TYW5: variants seen among roughly 807,000 people sequenced by gnomAD.
The protein encoded by TYW5 is tRNA wybutosine-synthesizing protein 5.
Under a neutral mutation model 44.4 loss-of-function variants are expected in TYW5, and 36 were observed. That is an observed-to-expected ratio of 0.81 (90% CI 0.62 to 1.07). The LOEUF is 1.07. TYW5 is among the 50% of genes least tolerant of loss of function. TYW5 has a pLI of 0.00. For synonymous variants in TYW5, 121 were observed against 128.1 expected (o/e 0.94, Z 0.37); for missense variants, 354 against 365.7 (o/e 0.97, Z 0.26).
chr2:199,937,001 C>CT (rs201605721), intron 5 of TYW5, among the ~76,000 whole-genome samples: 45 of 150,960 alleles, frequency 3.0e-4, no homozygotes, highest in South Asian at 1.3e-3. Flanking sequence ...CACAGATTTT[C>CT]TTTTTTTTTC....
Position 199,948,458 on chromosome 2 carries a change from C to T in TYW5, c.93G>A (p.Val31=). 1 of 1,614,024 alleles carries T rather than the reference C, an allele frequency of 6.2e-7. No individual in the cohort carries two copies. Among genetic ancestry groups the T allele is most frequent in the South Asian group, 1.1e-5 (1 of 91,062 alleles). Residue 31 remains valine (V), a synonymous_variant, in exon 2 of 8, where the codon GTG becomes GTA. Transcript: ENST00000354611. ...QHLYPQRKPL[V]LEGIDLGPCT... ...ATGGCCCCAAATCAATCCCTTCCAA[C>T]ACAAGAGGTTTTCTCTGTAAGTGGG...
In TYW5 at chr2:199,931,589, T is replaced by G. The variant is rs2077378269; in HGVS notation, c.*1478A>C. 6.6e-6 allele frequency: 1 copy of G among 152,204 alleles called. No homozygotes were observed. Among genetic ancestry groups the G allele is most frequent in the South Asian group, 2.1e-4 (1 of 4,832 alleles). The allele number at this position is 152,204 out of a possible 1,614,324, so 9.4% of individuals were successfully genotyped here. ...TAAATTTGGCTAATATAATCATTCC[T>G]TTTCTGACAAGACTTTTTTCACCTT... On this transcript the variant is annotated 3_prime_UTR_variant, in exon 8 of 8. Transcript: ENST00000354611.
rs369888786 is a variant in TYW5, at chr2:199,955,378, G to A, written c.78+15C>T. On this transcript the variant is annotated intron_variant, in intron 1 of 7. Transcript: ENST00000354611. ...CGCTGGTTTCTCGAGGTTCTGCCCC[G>A]CGCGAGGGCCTCACCTGTGGGTAGA... 1 of 1,612,264 alleles carries A rather than the reference G, an allele frequency of 6.2e-7. No homozygotes were observed. The highest frequency in any genetic ancestry group is 8.5e-7 in the Non-Finnish European group (1 of 1,179,384).
At chr2:199,938,606 C>G (rs1444727659) in intron 5 of TYW5, among the ~76,000 whole-genome samples, 1 of 152,084 alleles carries the variant, frequency 6.6e-6, no homozygotes, top group Non-Finnish European at 1.5e-5. Context: ...AGGCTTATCA[C>G]TTTTTCCAAT....
intron 2 of TYW5, chr2:199,945,718 G>A (rs2077499033): frequency 6.6e-6 from 1 of 152,168 alleles, no homozygotes; most frequent in South Asian, 2.1e-4. Flanking sequence ...ACACAAAAGT[G>A]TTTCAAGACC....
rs1325945493 is a variant in TYW5 at position 199,930,735 on chromosome 2, A to G, written c.*2332T>C. On this transcript the variant is annotated 3_prime_UTR_variant, in exon 8 of 8. Coordinates refer to ENST00000354611, the MANE Select transcript of TYW5 (RefSeq NM_001039693.3). ...TAGCCAAAGAAAAGCTGTGTAATCT[A>G]TTCAGAAGTACTGGAGATGTGCTGC... is the stretch of plus-strand genomic sequence containing the variant. The G allele has an allele frequency of 6.6e-6, 1 of 150,640 alleles. No individual in the cohort carries two copies. Among genetic ancestry groups the G allele is most frequent in the African/African-American group, 2.5e-5 (1 of 40,778 alleles). 9.3% of individuals were successfully genotyped at this position (150,640 alleles called of 1,614,324 possible). A position where few individuals can be genotyped will look rare whatever the true frequency, so the allele number is the denominator to read the frequency against.
At chr2:199,945,072 G>C (rs991469856) in intron 2 of TYW5, 1 of 152,212 alleles carries the variant, frequency 6.6e-6, no homozygotes, top group Non-Finnish European at 1.5e-5. Context: ...TTTCCTGTGT[G>C]TAGTGCAACT....
chr2:199,933,429 A>G, intron 7 of TYW5, 106 bp from the exon 8 acceptor site: 2 of 980,036 alleles, frequency 2.0e-6, no homozygotes, highest in Non-Finnish European at 1.5e-6. Flanking sequence ...GTAAGAAATA[A>G]TTCTTGTAAC....
intron 1 of TYW5, among the ~76,000 whole-genome samples, chr2:199,954,537 T>G (rs1255594643): frequency 6.6e-6 from 1 of 152,148 alleles, no homozygotes; most frequent in Non-Finnish European, 1.5e-5. Context: ...GTTCAAGCGA[T>G]TCTCCTGCCT....
At chr2:199,954,618 G>A (rs1057322200) in intron 1 of TYW5, among the ~76,000 whole-genome samples, 1 of 151,916 alleles carries the variant, frequency 6.6e-6, no homozygotes, top group African/African-American at 2.4e-5. Flanking sequence ...ATTTTTAGTA[G>A]AGATGGGATT....
intron 7 of TYW5, among the ~76,000 whole-genome samples, 164 bp downstream of exon 7, chr2:199,935,763 CACAT>C (rs1425154954): frequency 1.8e-3 from 235 of 128,056 alleles, no homozygotes; most frequent in East Asian, 5.6e-3. Context: ...CACACACACA[CACAT>C]ACACACACAC....
chr2:199,953,301 C>T (rs528505476), intron 1 of TYW5, among the ~76,000 whole-genome samples: 98 of 151,550 alleles, frequency 6.5e-4, no homozygotes, highest in African/African-American at 2.3e-3. Context: ...CCAGCCTGGG[C>T]GATAAGAGCA....
chr2:199,949,688 A>G (rs1375177848), intron 1 of TYW5, among the ~76,000 whole-genome samples: 3 of 152,214 alleles, frequency 2.0e-5, no homozygotes, highest in Non-Finnish European at 4.4e-5. Flanking sequence ...GAAGGAATGT[A>G]CCACAAAAGG....
chr2:199,948,781 AT>A (rs1416294019), intron 1 of TYW5, among the ~76,000 whole-genome samples: 5 of 152,222 alleles, frequency 3.3e-5, no homozygotes, highest in African/African-American at 1.2e-4. Flanking sequence ...TTTCAAACTT[AT>A]AAAAAAGTTT....
intron 4 of TYW5, among the ~76,000 whole-genome samples, 186 bp downstream of exon 4, chr2:199,939,903 G>A (rs947569578): frequency 6.6e-6 from 1 of 152,098 alleles, no homozygotes; most frequent in Admixed American, 6.5e-5. Flanking sequence ...AGGCCTACCT[G>A]AATACAAAGT....
rs114559681 is a variant in TYW5, at chr2:199,934,730, T to C, written c.691+1201A>G. Among the ~76,000 whole-genome samples the C allele has an allele frequency of 2.5e-3, 387 of 152,170 alleles. 2 individuals carry two copies. Among genetic ancestry groups the C allele is most frequent in the African/African-American group, 8.9e-3 (369 of 41,570 alleles). ...TAATTTAAATATGGAACTACAACTATAAATAGAATTTGTTAATATATCCCT... is the reference window on the plus strand; with the variant it reads ...TAATTTAAATATGGAACTACAACTACAAATAGAATTTGTTAATATATCCCT... On this transcript the variant is annotated intron_variant, in intron 7 of 7. Transcript: ENST00000354611.
chr2:199,954,237 G>C (rs1400213689), intron 1 of TYW5, among the ~76,000 whole-genome samples: 1 of 152,118 alleles, frequency 6.6e-6, no homozygotes, highest in East Asian at 1.9e-4. Flanking sequence ...GAGTAGCTGG[G>C]AATACAGGCG....
intron 5 of TYW5, among the ~76,000 whole-genome samples, chr2:199,936,899 T>C (rs555295772): frequency 1.3e-5 from 2 of 152,326 alleles, no homozygotes; most frequent in South Asian, 2.1e-4. Context: ...CAAGGTACTG[T>C]TGCAACTGCT....
At chr2:199,937,932 C>A (rs1476811703) in intron 5 of TYW5, among the ~76,000 whole-genome samples, 1 of 152,048 alleles carries the variant, frequency 6.6e-6, no homozygotes, top group Non-Finnish European at 1.5e-5. Context: ...TTAGATATTC[C>A]TTTACCTTCC....
Sources: allele counts gnomAD v4.1 joint callset (sites outside exome capture counted in the v4.1 genomes callset), GRCh38; gene constraint gnomAD v4.1.1; transcripts MANE v1.5; gene names NCBI Gene and HGNC (gene_info 2026-07-23, HGNC 2026-07-21).